PCDH9: variants seen among roughly 807,000 people sequenced by gnomAD.
PCDH9 encodes protocadherin-9.
In PCDH9, 24 loss-of-function variants were observed where a neutral mutation model predicts 70.6. The observed-to-expected ratio is 0.34, with a 90% CI of 0.25 to 0.48. The LOEUF (loss-of-function observed/expected upper bound fraction) is 0.48, where lower values mean the gene tolerates loss of function less well. PCDH9 is among the 20% of genes least tolerant of loss of function. The pLI is 0.99. For synonymous variants in PCDH9, 562 were observed against 558.5 expected, an observed-to-expected ratio of 1.01 and a Z score of -0.09; for missense variants, 1,281 against 1,503.6, an observed-to-expected ratio of 0.85 and a Z score of 2.45.
chr13:66,617,629 T>C (rs2077372534), intron 4 of PCDH9, among the ~76,000 whole-genome samples: 1 of 152,142 alleles, frequency 6.6e-6, no homozygotes, highest in Non-Finnish European at 1.5e-5. Context: ...TTTTAACCAG[T>C]CAGGCTTTTG....
intron 4 of PCDH9, among the ~76,000 whole-genome samples, chr13:66,481,722 A>C (rs1012573645): frequency 1.1e-4 from 16 of 152,176 alleles, no homozygotes; most frequent in Non-Finnish European, 1.8e-4. Context: ...CACAATGTTG[A>C]ATTTATTCAA....
chr13:66,551,264 A>T (rs1961475030), intron 4 of PCDH9, among the ~76,000 whole-genome samples: 1 of 152,108 alleles, frequency 6.6e-6, no homozygotes, highest in Admixed American at 6.6e-5. Context: ...GGGAAGCTAG[A>T]TTGTTATTTT....
chr13:66,745,310 A>G (rs939265414), intron 3 of PCDH9, among the ~76,000 whole-genome samples: 1 of 152,206 alleles, frequency 6.6e-6, no homozygotes, highest in Admixed American at 6.5e-5. Context: ...CTTGCTTTCA[A>G]AACCCTAATA....
chr13:66,429,467 AAAAGAC>A (rs1957732730), intron 4 of PCDH9, among the ~76,000 whole-genome samples: 1 of 149,388 alleles, frequency 6.7e-6, no homozygotes, highest in Non-Finnish European at 1.5e-5. Context: ...ACAGTGGGTA[AAAAGAC>A]TATACAAAAA....
chr13:67,061,398 C>CCT (rs201270457), intron 2 of PCDH9, among the ~76,000 whole-genome samples: 1 of 150,970 alleles, frequency 6.6e-6, no homozygotes, highest in African/African-American at 2.4e-5. Context: ...TGTCTCTCTC[C>CCT]CTCTCTCTCT....
intron 3 of PCDH9, among the ~76,000 whole-genome samples, chr13:66,866,454 C>T (rs563329034): frequency 6.6e-6 from 1 of 151,518 alleles, no homozygotes; most frequent in African/African-American, 2.4e-5. Flanking sequence ...TGCACTCCAG[C>T]CTGGGGGACA....
At chr13:67,067,602 T>C (rs2085674141) in intron 2 of PCDH9, among the ~76,000 whole-genome samples, 1 of 127,800 alleles carries the variant, frequency 7.8e-6, no homozygotes, top group African/African-American at 2.6e-5. Flanking sequence ...ATTTTTTAAA[T>C]ACTTTTTTTA....
rs899999306 is a variant in PCDH9 at position 66,389,857 on chromosome 13, G to C, written c.3341-84829C>G. On this transcript the variant is annotated intron_variant, in intron 4 of 4. Transcript: ENST00000377865. ...AGTGATTTTGCCTCAACTAAAAAAA[G>C]TATTTTAAAAGGCTGTGATTAGAAT... Among the ~76,000 whole-genome samples the C allele has an allele frequency of 9.9e-5, 15 of 152,128 alleles. No individual in the cohort carries two copies. In the East Asian group the frequency reaches 2.9e-3, roughly 29 times the overall value.
At chr13:66,703,287 C>T (rs1199144063) in intron 3 of PCDH9, among the ~76,000 whole-genome samples, 5 of 152,176 alleles carry the variant, frequency 3.3e-5, no homozygotes, top group African/African-American at 1.2e-4. Flanking sequence ...AAGAATTGTC[C>T]TTCCCTCTCA....
In PCDH9 at chr13:67,199,719, C is replaced by T. The variant is rs111663626; in HGVS notation, c.3036+25686G>A. ...AAATCACTTCTTTTGTTATAGGAAA[C>T]ATTTGTTATCTTGGACTTTTAAACA... On this transcript the variant is annotated intron_variant, in intron 2 of 4. Coordinates refer to ENST00000377865, the MANE Select transcript of PCDH9 (RefSeq NM_203487.3). 7.0e-4 allele frequency among the ~76,000 whole-genome samples: 106 copies of T among 152,138 alleles called. 1 individual carries two copies. Among genetic ancestry groups the T allele is most frequent in the African/African-American group, 2.5e-3 (102 of 41,550 alleles).
At chr13:66,757,289 A>T (rs937011861) in intron 3 of PCDH9, among the ~76,000 whole-genome samples, 1 of 152,204 alleles carries the variant, frequency 6.6e-6, no homozygotes, top group South Asian at 2.1e-4. Context: ...GCCATTCATT[A>T]ACCTGGAATA....
At chr13:66,455,162 T>G (rs1226490260) in intron 4 of PCDH9, among the ~76,000 whole-genome samples, 1 of 151,968 alleles carries the variant, frequency 6.6e-6, no homozygotes, top group Non-Finnish European at 1.5e-5. Flanking sequence ...CATAAAACAA[T>G]AAAACCTTTT....
chr13:66,344,030 G>A (rs1218976429), intron 4 of PCDH9, among the ~76,000 whole-genome samples: 6 of 152,172 alleles, frequency 3.9e-5, no homozygotes, highest in African/African-American at 1.4e-4. Flanking sequence ...TGTTTAAAAA[G>A]TTAATTTGGC....
chr13:66,674,477 A>G (rs1166301362), intron 3 of PCDH9, among the ~76,000 whole-genome samples: 1 of 152,134 alleles, frequency 6.6e-6, no homozygotes, highest in Non-Finnish European at 1.5e-5. Flanking sequence ...AAACTACTGT[A>G]AATGACCTCT....
chr13:66,436,861 T>G (rs899638629), intron 4 of PCDH9, among the ~76,000 whole-genome samples: 5 of 152,118 alleles, frequency 3.3e-5, no homozygotes. Flanking sequence ...TGCCAAGTTT[T>G]TTTATTGATT....
chr13:66,865,819 T>C (rs1022186876), intron 3 of PCDH9, among the ~76,000 whole-genome samples: 7 of 152,260 alleles, frequency 4.6e-5, no homozygotes, highest in Non-Finnish European at 1.0e-4. Context: ...ACAGAATTTA[T>C]ATGTAGTAAC....
At chr13:66,425,035 G>T (rs1957644769) in intron 4 of PCDH9, among the ~76,000 whole-genome samples, 1 of 151,670 alleles carries the variant, frequency 6.6e-6, no homozygotes, top group African/African-American at 2.4e-5. Context: ...ACAAAGAGAA[G>T]GCTAATATTT....
chr13:66,774,678 T>A (rs902252404), intron 3 of PCDH9, among the ~76,000 whole-genome samples: 2 of 152,176 alleles, frequency 1.3e-5, no homozygotes, highest in African/African-American at 4.8e-5. Context: ...CTCAAGGTGA[T>A]TTACAATACC....
At chr13:66,509,546 G>T (rs894099904) in intron 4 of PCDH9, among the ~76,000 whole-genome samples, 2 of 152,102 alleles carry the variant, frequency 1.3e-5, no homozygotes, top group Non-Finnish European at 2.9e-5. Context: ...CACCCCAATC[G>T]TTAAAAATCT....
Sources: gnomAD v4.1 joint callset for allele counts (sites outside exome capture counted in the v4.1 genomes callset) on GRCh38, gnomAD v4.1.1 for gene constraint, MANE v1.5 for transcripts, NCBI Gene and HGNC (gene_info 2026-07-23, HGNC 2026-07-21) for gene names.